Variants in FAM135B observed in about 807,000 individuals in gnomAD.
FAM135B encodes the protein family with sequence similarity 135 member B, also known as protein FAM135B.
Under a neutral mutation model 127.7 loss-of-function variants are expected in FAM135B, and 43 were observed. The ratio of observed to expected loss-of-function variants is 0.34; its 90% CI spans 0.26 to 0.43. FAM135B has a LOEUF of 0.43. FAM135B is among the 20% of genes least tolerant of loss of function. The pLI is 1.00. For synonymous variants in FAM135B, 670 were observed against 665.1 expected (o/e 1.01, Z -0.11); for missense variants, 1,558 against 1,725.6 (o/e 0.90, Z 1.72).
Position 138,159,100 on chromosome 8 carries a change from G to A in FAM135B, c.1259-5884C>T, listed in dbSNP as rs1202708823. ...ATCCTGGCTAACAAGGTGAAACCCC[G>A]TCTCTACTAAAAATACAAAAAATTA... On this transcript the variant is annotated intron_variant, in intron 12 of 19. Coordinates refer to ENST00000395297, the MANE Select transcript of FAM135B (RefSeq NM_015912.4). 5.4e-5 allele frequency among the ~76,000 whole-genome samples: 8 copies of A among 148,364 alleles called. No homozygotes were observed. In the East Asian group the frequency reaches 8.0e-4, roughly 15 times the overall value.
intron 2 of FAM135B, chr8:138,358,362 T>C (rs531759143): frequency 1.3e-5 from 2 of 152,232 alleles, no homozygotes; most frequent in East Asian, 3.9e-4. Flanking sequence ...GAGAGGAACA[T>C]ACATTCAGAG....
chr8:138,351,481 A>G (rs112985841), intron 2 of FAM135B, among the ~76,000 whole-genome samples: 8 of 152,284 alleles, frequency 5.3e-5, no homozygotes, highest in African/African-American at 1.2e-4. Context: ...AAAAGACACC[A>G]GAAGCCAGGA....
At chr8:138,263,582 C>G (rs566841258) in intron 4 of FAM135B, among the ~76,000 whole-genome samples, 38 of 152,232 alleles carry the variant, frequency 2.5e-4, no homozygotes, top group African/African-American at 9.1e-4. Context: ...TATTTGCAGT[C>G]ACTGTGATGG....
chr8:138,219,240 T>C (rs16908616), intron 7 of FAM135B, among the ~76,000 whole-genome samples: 4,307 of 152,226 alleles, frequency 0.028, 127 homozygotes, highest in East Asian at 0.15. Flanking sequence ...AGATAGGAAG[T>C]GGGGAGTTTC....
intron 2 of FAM135B, among the ~76,000 whole-genome samples, chr8:138,352,819 G>A (rs1417034774): frequency 6.6e-6 from 1 of 152,042 alleles, no homozygotes; most frequent in Non-Finnish European, 1.5e-5. Context: ...TCAGTAGTGA[G>A]ACTTAAGTTT....
At chr8:138,432,796 T>A (rs1161373097) in intron 1 of FAM135B, among the ~76,000 whole-genome samples, 3 of 152,082 alleles carry the variant, frequency 2.0e-5, no homozygotes, top group African/African-American at 7.2e-5. Flanking sequence ...ACACAGTACA[T>A]TCTTGATGAA....
chr8:138,240,962 A>G (rs1217758687), intron 7 of FAM135B, among the ~76,000 whole-genome samples: 1 of 152,164 alleles, frequency 6.6e-6, no homozygotes, highest in African/African-American at 2.4e-5. Flanking sequence ...GAAGATTTTC[A>G]GGCAGTAGAT....
At chr8:138,252,245 T>C (rs1258127896) in intron 5 of FAM135B, among the ~76,000 whole-genome samples, 2 of 152,232 alleles carry the variant, frequency 1.3e-5, no homozygotes, top group African/African-American at 4.8e-5. Flanking sequence ...CTTTACTCTG[T>C]ATGGCAATCA....
intron 1 of FAM135B, among the ~76,000 whole-genome samples, chr8:138,374,830 A>C (rs981244807): frequency 5.3e-5 from 8 of 152,194 alleles, no homozygotes; most frequent in African/African-American, 1.7e-4. Flanking sequence ...TGATGAGTGC[A>C]CTGAGAGGTG....
chr8:138,149,222 C>G lies in FAM135B; in HGVS notation c.3282-536G>C, dbSNP rs190982274. Reference sequence around the variant, plus strand: ...CCCGAAGCTTCTATGGGTTTTGGTTCTGCAGATGCTTATGTGATTCCTGCA... The same window carrying G: ...CCCGAAGCTTCTATGGGTTTTGGTTGTGCAGATGCTTATGTGATTCCTGCA... On this transcript the variant is annotated intron_variant, in intron 13 of 19. Transcript: ENST00000395297. Among the ~76,000 whole-genome samples the G allele has an allele frequency of 3.9e-5, 6 of 152,096 alleles. No homozygotes were observed. The East Asian group carries it at 1.2e-3, about 29-fold the overall frequency.
At chr8:138,236,403 C>T (rs965134119) in intron 7 of FAM135B, among the ~76,000 whole-genome samples, 1 of 99,324 alleles carries the variant, frequency 1.0e-5, no homozygotes, top group Non-Finnish European at 2.4e-5. Context: ...CACACATACA[C>T]ACACACACAC....
At chr8:138,174,212 T>C (rs4909743) in intron 11 of FAM135B, among the ~76,000 whole-genome samples, 89,801 of 152,010 alleles carry the variant, frequency 0.59, 27,199 homozygotes, top group East Asian at 0.98. Context: ...TGTGACCCAT[T>C]GTTTGAGAAA....
chr8:138,156,405 C>G (rs1232878086), intron 12 of FAM135B, among the ~76,000 whole-genome samples: 2 of 152,088 alleles, frequency 1.3e-5, no homozygotes, highest in Non-Finnish European at 2.9e-5. Context: ...CAAGAGCAAA[C>G]ACATTCAAAA....
At chr8:138,187,317 T>C (rs79286235) in intron 9 of FAM135B, among the ~76,000 whole-genome samples, 3,681 of 152,316 alleles carry the variant, frequency 0.024, 75 homozygotes, top group Middle Eastern at 0.054. Flanking sequence ...CCTCTAATAA[T>C]GAAGCCAGGC....
chr8:138,320,247 A>C (rs1827361134), intron 2 of FAM135B, among the ~76,000 whole-genome samples: 2 of 152,246 alleles, frequency 1.3e-5, no homozygotes, highest in Non-Finnish European at 2.9e-5. Flanking sequence ...TCCTCATGAC[A>C]AAACCAACAG....
At chr8:138,429,247 A>G (rs1354046645) in intron 1 of FAM135B, among the ~76,000 whole-genome samples, 2 of 152,208 alleles carry the variant, frequency 1.3e-5, no homozygotes, top group African/African-American at 4.8e-5. Context: ...ATTTGCCTAC[A>G]GGCTATGAGT....
chr8:138,451,657 GTT>G (rs920881580), intron 1 of FAM135B, among the ~76,000 whole-genome samples: 4 of 152,202 alleles, frequency 2.6e-5, no homozygotes, highest in African/African-American at 9.6e-5. Flanking sequence ...CTGGAATAGA[GTT>G]TGCTATGAGC....
chr8:138,291,589 A>C (rs888158997), intron 3 of FAM135B, among the ~76,000 whole-genome samples: 10 of 152,182 alleles, frequency 6.6e-5, no homozygotes, highest in Admixed American at 2.6e-4. Flanking sequence ...AAAGGATCAT[A>C]TGTCATAATC....
In FAM135B at chr8:138,177,359, A is replaced by G; in HGVS notation, c.1091T>C (p.Phe364Ser). 6.2e-7 allele frequency: 1 copy of G among 1,613,702 alleles called. No homozygotes were observed. Among genetic ancestry groups the G allele is most frequent in the Non-Finnish European group, 8.5e-7 (1 of 1,179,728 alleles). Reference sequence around the variant, plus strand: ...AATGGATACTTACAGATTCTCCTGAAATGTCAGGACTGCAAGTTTTTGGTG... The same window carrying G: ...AATGGATACTTACAGATTCTCCTGAGATGTCAGGACTGCAAGTTTTTGGTG... Reference protein sequence around the residue: ...MEHQKLAVLTFQENLIQTHSQ... With the variant: ...MEHQKLAVLTSQENLIQTHSQ... Residue 364 changes from phenylalanine (F) to serine (S), a missense_variant, in exon 11 of 20, where the codon TTT (phenylalanine) becomes TCT (serine). Phe to Ser is a radical substitution (Grantham distance 155). Transcript: ENST00000395297.
Sources: gnomAD v4.1 joint callset for allele counts (sites outside exome capture counted in the v4.1 genomes callset) on GRCh38, gnomAD v4.1.1 for gene constraint, MANE v1.5 for transcripts, NCBI Gene and HGNC (gene_info 2026-07-23, HGNC 2026-07-21) for gene names.